The following SPG11 variants were observed in gnomAD, a reference collection of about 807,000 sequenced individuals.
The protein encoded by SPG11 is SPG11 vesicle trafficking associated, spatacsin.
SPG11 carries 222 observed loss-of-function variants against 274.0 expected under a neutral mutation model. The ratio of observed to expected loss-of-function variants is 0.81; its 90% CI spans 0.73 to 0.91. The LOEUF (loss-of-function observed/expected upper bound fraction) is 0.91, where lower values mean the gene tolerates loss of function less well. SPG11 is among the 40% of genes least tolerant of loss of function. The pLI, the probability that SPG11 is intolerant of heterozygous loss-of-function variation, is 0.00. For synonymous variants in SPG11, 1,144 were observed against 1,039.7 expected, an observed-to-expected ratio of 1.10 and a Z score of -1.93; for missense variants, 3,114 against 2,872.7, an observed-to-expected ratio of 1.08 and a Z score of -1.92.
At chr15:44,617,294 C>T (rs1269519807) in intron 15 of SPG11, among the ~76,000 whole-genome samples, 1 of 152,208 alleles carries the variant, frequency 6.6e-6, no homozygotes, top group African/African-American at 2.4e-5. Flanking sequence ...TCCTACTACT[C>T]CCAAGGTTGT....
intron 15 of SPG11, among the ~76,000 whole-genome samples, chr15:44,616,376 A>G (rs1466754262): frequency 6.6e-6 from 1 of 151,710 alleles, no homozygotes; most frequent in African/African-American, 2.4e-5. Context: ...CAGTTTTTAA[A>G]TTTTTTGTAG....
intron 20 of SPG11, among the ~76,000 whole-genome samples, chr15:44,603,308 G>A (rs2083242408): frequency 6.6e-6 from 1 of 152,094 alleles, no homozygotes; most frequent in Non-Finnish European, 1.5e-5. Context: ...GTCCAAGCTG[G>A]TCTTGAATTC....
At chr15:44,587,843 T>C (rs1178613656) in intron 28 of SPG11, among the ~76,000 whole-genome samples, 1 of 152,124 alleles carries the variant, frequency 6.6e-6, no homozygotes, top group Admixed American at 6.6e-5. Flanking sequence ...AGTCAATTCT[T>C]ATAATTATTC....
chr15:44,643,634 C>T (rs1665624064), intron 7 of SPG11, among the ~76,000 whole-genome samples: 1 of 152,000 alleles, frequency 6.6e-6, no homozygotes, highest in Admixed American at 6.6e-5. Context: ...TTCTCAGATT[C>T]AACACCAAAA....
chr15:44,584,601 A>T, intron 29 of SPG11, 43 bp from the exon 30 acceptor site: 4 of 1,595,830 alleles, frequency 2.5e-6, no homozygotes, highest in Non-Finnish European at 3.4e-6. Context: ...TCTTGGATAA[A>T]AAAGTATCAT....
At chr15:44,565,795 G>C in intron 38 of SPG11, 59 bp downstream of exon 38, 1 of 1,604,876 alleles carries the variant, frequency 6.2e-7, no homozygotes, top group South Asian at 1.1e-5. Flanking sequence ...GGTTCCATGA[G>C]TGGGACAGAA....
intron 18 of SPG11, among the ~76,000 whole-genome samples, chr15:44,609,696 C>A (rs1388753343): frequency 1.3e-5 from 2 of 151,296 alleles, no homozygotes; most frequent in African/African-American, 4.9e-5. Context: ...AAAATAATCT[C>A]TATATAACAT....
intron 18 of SPG11, among the ~76,000 whole-genome samples, chr15:44,609,664 T>C (rs151079223): frequency 2.0e-5 from 3 of 152,016 alleles, no homozygotes; most frequent in South Asian, 2.1e-4. Context: ...ATCTGGAGTA[T>C]TGGAAAACAA....
intron 20 of SPG11, chr15:44,604,125 C>G: frequency 2.3e-6 from 1 of 443,298 alleles, no homozygotes; most frequent in Non-Finnish European, 4.5e-6. Flanking sequence ...TTTCAAAGTT[C>G]AAAGCTTATT....
intron 27 of SPG11, 25 bp downstream of exon 27, chr15:44,592,306 A>G (rs2082921140): frequency 2.8e-5 from 40 of 1,411,718 alleles, no homozygotes; most frequent in Non-Finnish European, 4.0e-5. Flanking sequence ...GATCAGTGAG[A>G]AAGAGCACCA....
At chr15:44,615,237 T>C (rs2083562734) in intron 16 of SPG11, 126 bp downstream of exon 16, 2 of 924,576 alleles carry the variant, frequency 2.2e-6, no homozygotes, top group African/African-American at 1.6e-5. Context: ...TGGAGAAAAC[T>C]ACCTCAAAAA....
chr15:44,584,176 T>G lies in SPG11; in HGVS notation c.5504A>C (p.Asp1835Ala). The G allele has an allele frequency of 6.2e-7, 1 of 1,614,220 alleles. No homozygotes were observed. The highest frequency in any genetic ancestry group is 8.5e-7 in the Non-Finnish European group (1 of 1,180,030). Reference sequence around the variant, plus strand: ...GAAGGAAAACTCACTGGCTAAACTATCAAAGGAAAGTTCACCACTAGTTGA... The same window carrying G: ...GAAGGAAAACTCACTGGCTAAACTAGCAAAGGAAAGTTCACCACTAGTTGA... ...QISTSGELSF[D>A]SLASEFSFSK... is the part of the protein sequence containing the mutation. Residue 1835 changes from aspartate (D) to alanine (A), a missense_variant, in exon 30 of 40, where the codon GAT becomes GCT. By Grantham distance (126) the Asp-to-Ala change is moderately radical (BLOSUM62 -2). Coordinates refer to ENST00000261866, the MANE Select transcript of SPG11 (RefSeq NM_025137.4).
intron 30 of SPG11, among the ~76,000 whole-genome samples, chr15:44,577,573 G>C (rs1343908971): frequency 6.6e-6 from 1 of 150,470 alleles, no homozygotes; most frequent in East Asian, 2.0e-4. Context: ...ATGCAACTCA[G>C]ACCATGCTAT....
At chr15:44,574,491 C>G (rs1260754023) in intron 31 of SPG11, among the ~76,000 whole-genome samples, 2 of 152,122 alleles carry the variant, frequency 1.3e-5, no homozygotes, top group East Asian at 1.9e-4. Flanking sequence ...TTTTCTCCCC[C>G]AAGCAGCGCA....
chr15:44,575,814 T>C lies in SPG11; in HGVS notation c.5867-773A>G, dbSNP rs145344555. On this transcript the variant is annotated intron_variant, in intron 30 of 39. Coordinates refer to ENST00000261866, the MANE Select transcript of SPG11 (RefSeq NM_025137.4). ...CCACCTGCAAATATGCTTTAATTTA[T>C]AGTAAAATTAAAATCTATTCCTGAT... Among the ~76,000 whole-genome samples, 72 of 152,310 alleles carry C rather than the reference T, an allele frequency of 4.7e-4. 1 individual carries two copies. The East Asian group carries it at 0.013, about 27-fold the overall frequency.
chr15:44,615,214 C>T (rs2083562289), intron 16 of SPG11, 149 bp downstream of exon 16: 3 of 782,766 alleles, frequency 3.8e-6, no homozygotes, highest in East Asian at 5.1e-5. Flanking sequence ...CAAAGATGTA[C>T]CAACTGTTGA....
At position 44,659,831 on chromosome 15, in the gene SPG11, T is replaced by C. The variant is rs190494880; in HGVS notation, c.443-528A>G. Among the ~76,000 whole-genome samples the C allele has an allele frequency of 1.5e-3, 229 of 152,250 alleles. 5 individuals carry two copies. The East Asian group carries it at 0.038, about 25-fold the overall frequency. On this transcript the variant is annotated intron_variant, in intron 2 of 39. Transcript: ENST00000261866. The stretch of plus-strand genomic sequence containing the variant: ...ATCCCAGCACTTTGGGAGGCCCAGG[T>C]GGGCAGATCACTTGAGGTCAGGAGT...
intron 30 of SPG11, among the ~76,000 whole-genome samples, chr15:44,579,809 G>A (rs947686947): frequency 2.6e-4 from 39 of 152,154 alleles, no homozygotes; most frequent in African/African-American, 8.7e-4. Flanking sequence ...CATCAACAAC[G>A]GACTGCATAT....
intron 21 of SPG11, among the ~76,000 whole-genome samples, chr15:44,600,050 TATG>T (rs1274474828): frequency 1.3e-5 from 2 of 152,244 alleles, no homozygotes; most frequent in African/African-American, 4.8e-5. Context: ...CAAACTCCTG[TATG>T]ATTTTAAATT....
Sources: allele counts gnomAD v4.1 joint callset (sites outside exome capture counted in the v4.1 genomes callset), GRCh38; gene constraint gnomAD v4.1.1; transcripts MANE v1.5; gene names NCBI Gene and HGNC (gene_info 2026-07-23, HGNC 2026-07-21).